The following AFTPH variants were observed in gnomAD, a reference collection of about 807,000 sequenced individuals.
AFTPH encodes aftiphilin.
In AFTPH, 7 loss-of-function variants were observed where a neutral mutation model predicts 72.5. The ratio of observed to expected loss-of-function variants is 0.10; its 90% confidence interval spans 0.05 to 0.18. The LOEUF (loss-of-function observed/expected upper bound fraction) is 0.18. Among genes scored for constraint, AFTPH ranks in the 10% least tolerant of loss-of-function variants. The pLI, the probability that AFTPH is intolerant of heterozygous loss-of-function variation, is 1.00. For synonymous variants in AFTPH, 337 were observed against 370.1 expected (o/e 0.91, Z 1.03); for missense variants, 979 against 1,060.5 (o/e 0.92, Z 1.07).
chr2:64,573,410 C>G (rs1672564247), intron 6 of AFTPH, among the ~76,000 whole-genome samples: 1 of 135,290 alleles, frequency 7.4e-6, no homozygotes, highest in Non-Finnish European at 1.6e-5. Context: ...ATTACTGACA[C>G]AAATCTGGTA....
intron 2 of AFTPH, among the ~76,000 whole-genome samples, chr2:64,560,072 A>G (rs1402296950): frequency 6.6e-6 from 1 of 152,172 alleles, no homozygotes; most frequent in Non-Finnish European, 1.5e-5. Flanking sequence ...AAATTTAACC[A>G]TCACAAGAGG....
chr2:64,588,036 A>C (rs539786267), intron 8 of AFTPH, among the ~76,000 whole-genome samples: 156 of 152,332 alleles, frequency 1.0e-3, no homozygotes, highest in African/African-American at 3.3e-3. Flanking sequence ...TTGTGCAACC[A>C]TCATCACTAT....
intron 2 of AFTPH, among the ~76,000 whole-genome samples, chr2:64,560,051 A>C (rs969895676): frequency 2.0e-5 from 3 of 152,212 alleles, no homozygotes; most frequent in African/African-American, 7.2e-5. Context: ...GGCCCAGTCA[A>C]GTTGACACAT....
chr2:64,534,181 A>G (rs1438054363), intron 1 of AFTPH, among the ~76,000 whole-genome samples: 5 of 152,142 alleles, frequency 3.3e-5, no homozygotes, highest in Non-Finnish European at 1.5e-5. Flanking sequence ...AAAAATGTTG[A>G]CCTGGAGTAT....
intron 3 of AFTPH, 51 bp downstream of exon 3, chr2:64,567,764 G>A: frequency 6.4e-7 from 1 of 1,560,934 alleles, no homozygotes; most frequent in Non-Finnish European, 8.7e-7. Context: ...ATTTTTAGTA[G>A]TTCTAATTTA....
rs1015660291 is a variant in AFTPH, at chr2:64,539,626, T to G, written c.-32-11817T>G. 2.0e-5 allele frequency among the ~76,000 whole-genome samples: 3 copies of G among 152,150 alleles called. No individual in the cohort carries two copies. The South Asian group carries it at 6.2e-4, about 32-fold the overall frequency. On this transcript the variant is annotated intron_variant, in intron 1 of 8. Coordinates refer to ENST00000238856, the Ensembl canonical transcript of AFTPH. ...GAGTTGGAGCACAATTCAAGAGTGG[T>G]TAGTAGAATAAATGCCCCAGCAAGA...
chr2:64,553,840 T>C (rs758623625), intron 2 of AFTPH, among the ~76,000 whole-genome samples: 1 of 151,150 alleles, frequency 6.6e-6, no homozygotes, highest in Non-Finnish European at 1.5e-5. Context: ...AAGAATAGAA[T>C]GTTAATTTTT....
chr2:64,565,425 A>C (rs1268449423), intron 2 of AFTPH, among the ~76,000 whole-genome samples: 1 of 147,512 alleles, frequency 6.8e-6, no homozygotes, highest in Non-Finnish European at 1.5e-5. Flanking sequence ...CAGTGAGCCG[A>C]GATTGCACCA....
intron 5 of AFTPH, among the ~76,000 whole-genome samples, chr2:64,572,076 C>T (rs1407841390): frequency 6.6e-6 from 1 of 151,912 alleles, no homozygotes; most frequent in Non-Finnish European, 1.5e-5. Context: ...AAAAATTAGT[C>T]AGGCATGGTG....
chr2:64,537,653 TTTATG>T (rs1669969370), intron 1 of AFTPH, among the ~76,000 whole-genome samples: 1 of 152,206 alleles, frequency 6.6e-6, no homozygotes, highest in African/African-American at 2.4e-5. Flanking sequence ...GTGTTCCAGT[TTTATG>T]TTATGTTTGT....
exon 2 of AFTPH, chr2:64,553,319 A>G: frequency 6.2e-7 from 1 of 1,614,058 alleles, no homozygotes; most frequent in Non-Finnish European, 8.5e-7. Context: ...TTGATACTCC[A>G]GGAACCCCCA....
chr2:64,585,637 T>A (rs1334716546), intron 8 of AFTPH, 92 bp downstream of exon 9: 1 of 1,380,488 alleles, frequency 7.2e-7, no homozygotes, highest in Non-Finnish European at 9.7e-7. Context: ...CATTTCAATA[T>A]ATTATATCAC....
intron 1 of AFTPH, among the ~76,000 whole-genome samples, chr2:64,536,556 G>T (rs1669896744): frequency 7.7e-6 from 1 of 130,134 alleles, no homozygotes. Context: ...AGCAGAGCGA[G>T]ACTCCATCTT....
intron 2 of AFTPH, among the ~76,000 whole-genome samples, chr2:64,567,161 T>C (rs1158855962): frequency 6.6e-6 from 1 of 152,220 alleles, no homozygotes; most frequent in Non-Finnish European, 1.5e-5. Context: ...TAAGAGACAT[T>C]CCAGTGTGGT....
At chr2:64,529,592 G>T (rs1477832745) in intron 1 of AFTPH, among the ~76,000 whole-genome samples, 6 of 151,368 alleles carry the variant, frequency 4.0e-5, no homozygotes, top group Admixed American at 3.9e-4. Context: ...GAGGCATACA[G>T]GAGCATCATA....
At chr2:64,548,418 A>ACAAC (rs1447712871) in intron 1 of AFTPH, among the ~76,000 whole-genome samples, 3 of 149,218 alleles carry the variant, frequency 2.0e-5, no homozygotes, top group African/African-American at 4.9e-5. Context: ...AAAAAAAAAA[A>ACAAC]AAAAAAAAAA....
exon 9 of AFTPH, chr2:64,592,491 A>C (rs1371625151): frequency 6.6e-6 from 1 of 151,828 alleles, no homozygotes; most frequent in Non-Finnish European, 1.5e-5. Context: ...CCCCCATTTA[A>C]TTTTTTTTTA....
At chr2:64,546,904 C>T (rs1321964657) in intron 1 of AFTPH, among the ~76,000 whole-genome samples, 1 of 151,760 alleles carries the variant, frequency 6.6e-6, no homozygotes, top group Non-Finnish European at 1.5e-5. Flanking sequence ...AAAAAATTAG[C>T]CAGGCGTGGT....
At chr2:64,530,377 G>C (rs969344383) in intron 1 of AFTPH, among the ~76,000 whole-genome samples, 4 of 152,048 alleles carry the variant, frequency 2.6e-5, no homozygotes, top group African/African-American at 9.7e-5. Context: ...CCTGGCAACT[G>C]ATTTACCCAA....
Sources: gnomAD v4.1 joint callset for allele counts (sites outside exome capture counted in the v4.1 genomes callset) on GRCh38, gnomAD v4.1.1 for gene constraint, MANE v1.5 for transcripts, NCBI Gene and HGNC (gene_info 2026-07-23, HGNC 2026-07-21) for gene names.